Variants in NTM observed in about 807,000 individuals in gnomAD.
NTM encodes IgLON family member 2.
NTM carries 13 observed loss-of-function variants against 42.1 expected under a neutral mutation model. The observed-to-expected ratio is 0.31, with a 90% CI of 0.20 to 0.49. The LOEUF is 0.49. Among genes scored for constraint, NTM ranks in the 20% least tolerant of loss-of-function variants. The pLI, the probability that NTM is intolerant of heterozygous loss-of-function variation, is 0.99. For missense variants in NTM, 373 were observed against 452.8 expected (o/e 0.82, Z 1.60); for synonymous variants, 187 against 179.2 (o/e 1.04, Z -0.35).
intron 1 of NTM, among the ~76,000 whole-genome samples, chr11:131,509,744 G>A (rs1376203086): frequency 1.3e-5 from 2 of 152,200 alleles, no homozygotes; most frequent in African/African-American, 4.8e-5. Flanking sequence ...ATGAGAGGAG[G>A]TTGGGATTCT....
At chr11:131,373,180 C>A in intron 1 of NTM, among the ~76,000 whole-genome samples, 1 of 152,180 alleles carries the variant, frequency 6.6e-6, no homozygotes, top group East Asian at 1.9e-4. Context: ...AGGAAGGAAG[C>A]TGAAGTCTGC....
chr11:131,647,607 T>C (rs2065925114), intron 1 of NTM, among the ~76,000 whole-genome samples: 1 of 152,228 alleles, frequency 6.6e-6, no homozygotes, highest in South Asian at 2.1e-4. Flanking sequence ...TTGTGAATTC[T>C]ATAAATCATG....
intron 2 of NTM, among the ~76,000 whole-genome samples, chr11:132,047,601 G>A (rs1438574123): frequency 6.6e-6 from 1 of 152,200 alleles, no homozygotes; most frequent in East Asian, 1.9e-4. Context: ...CTAGAGCCTG[G>A]TCATCACTGG....
At chr11:131,883,221 T>G (rs1483882358) in intron 1 of NTM, among the ~76,000 whole-genome samples, 1 of 152,198 alleles carries the variant, frequency 6.6e-6, no homozygotes, top group Non-Finnish European at 1.5e-5. Flanking sequence ...ATAGTGCATC[T>G]TCTAATAATT....
intron 1 of NTM, among the ~76,000 whole-genome samples, chr11:131,454,800 T>C (rs921007051): frequency 2.0e-5 from 3 of 147,946 alleles, no homozygotes; most frequent in Non-Finnish European, 3.1e-5. Context: ...CCTGATTTGA[T>C]ATTACGCTGG....
chr11:132,297,695 A>C (rs1037136783), intron 4 of NTM, among the ~76,000 whole-genome samples: 1 of 151,948 alleles, frequency 6.6e-6, no homozygotes, highest in Non-Finnish European at 1.5e-5. Context: ...CATCATCTAC[A>C]TTTTTGCGGG....
chr11:132,151,729 G>A (rs1277371851), intron 3 of NTM, among the ~76,000 whole-genome samples: 2 of 152,136 alleles, frequency 1.3e-5, no homozygotes, highest in East Asian at 1.9e-4. Context: ...GAGTCAAACA[G>A]CTCCGAAGCT....
At chr11:131,876,862 T>C (rs920156331) in intron 1 of NTM, among the ~76,000 whole-genome samples, 5 of 147,332 alleles carry the variant, frequency 3.4e-5, no homozygotes, top group African/African-American at 1.2e-4. Context: ...AAGCATAACT[T>C]TTTTTTTTTT....
At chr11:131,946,445 TAAAAA>T (rs925193298) in intron 2 of NTM, among the ~76,000 whole-genome samples, 14 of 151,880 alleles carry the variant, frequency 9.2e-5, no homozygotes, top group Admixed American at 6.6e-5. Context: ...GCTCTCAAAA[TAAAAA>T]GAAAATGTAA....
intron 1 of NTM, among the ~76,000 whole-genome samples, chr11:131,571,714 A>C (rs1010475996): frequency 5.3e-5 from 8 of 152,156 alleles, no homozygotes; most frequent in African/African-American, 1.7e-4. Flanking sequence ...AAAAAGACAA[A>C]AGAGATGTCG....
At position 131,735,931 on chromosome 11, in the gene NTM, A is replaced by G. The variant is rs59229616; in HGVS notation, c.83-175633A>G. Among the ~76,000 whole-genome samples, 188 of 151,894 alleles carry G rather than the reference A, an allele frequency of 1.2e-3. 1 individual carries two copies. The highest frequency in any genetic ancestry group is 4.4e-3 in the African/African-American group (182 of 41,376). Reference sequence around the variant, plus strand: ...TCACTGCAACCTCCACCTCCCTGTTAAAGAGATTCACGTGCCTCAGCCTCC... The same window carrying G: ...TCACTGCAACCTCCACCTCCCTGTTGAAGAGATTCACGTGCCTCAGCCTCC... On this transcript the variant is annotated intron_variant, in intron 1 of 8. Coordinates refer to ENST00000683400, the MANE Select transcript of NTM (RefSeq NM_001352005.2).
intron 3 of NTM, among the ~76,000 whole-genome samples, chr11:132,162,270 AGTGT>A (rs2074451545): frequency 7.0e-6 from 1 of 142,290 alleles, no homozygotes; most frequent in African/African-American, 2.7e-5. Flanking sequence ...TTGTGTAGGG[AGTGT>A]GTATGTAAGT....
intron 1 of NTM, among the ~76,000 whole-genome samples, chr11:131,372,856 CTGAATAGATGAG>C (rs1941409745): frequency 6.6e-6 from 1 of 152,024 alleles, no homozygotes; most frequent in Admixed American, 6.6e-5. Flanking sequence ...TGAATCATCT[CTGAATAGATGAG>C]TAGCAAAGTG....
At chr11:131,509,416 CCAGATACAGG>C (rs2047956400) in intron 1 of NTM, among the ~76,000 whole-genome samples, 1 of 152,208 alleles carries the variant, frequency 6.6e-6, no homozygotes, top group Admixed American at 6.5e-5. Flanking sequence ...CCTTCTTCTC[CCAGATACAGG>C]CAGATTCTTC....
At position 131,493,401 on chromosome 11, in the gene NTM, C is replaced by G. The variant is rs537849426; in HGVS notation, c.82+122513C>G. ...CCCAAGACCCATGGAAAAAAAGAGCCCTGCTTTCTCTGTGTGTTTCGTTTT... is the reference window on the plus strand; with the variant it reads ...CCCAAGACCCATGGAAAAAAAGAGCGCTGCTTTCTCTGTGTGTTTCGTTTT... On this transcript the variant is annotated intron_variant, in intron 1 of 8. Coordinates refer to ENST00000683400, the MANE Select transcript of NTM (RefSeq NM_001352005.2). Among the ~76,000 whole-genome samples the G allele has an allele frequency of 6.6e-5, 10 of 152,148 alleles. No individual in the cohort carries two copies. The East Asian group carries it at 7.7e-4, about 12-fold the overall frequency.
intron 4 of NTM, among the ~76,000 whole-genome samples, chr11:132,277,913 T>A (rs1448137918): frequency 6.6e-6 from 1 of 152,102 alleles, no homozygotes; most frequent in Non-Finnish European, 1.5e-5. Context: ...ACTTTCTGAG[T>A]TCCAAGAAAT....
intron 4 of NTM, among the ~76,000 whole-genome samples, chr11:132,279,971 A>G (rs1380587389): frequency 6.6e-6 from 1 of 152,200 alleles, no homozygotes; most frequent in Non-Finnish European, 1.5e-5. Context: ...CTCCTACTAT[A>G]TGCCGGTTAC....
chr11:131,431,885 TC>T (rs1268840922), intron 1 of NTM, among the ~76,000 whole-genome samples: 1 of 151,780 alleles, frequency 6.6e-6, no homozygotes. Context: ...TCCCTACCCC[TC>T]CCCATCAGAC....
intron 2 of NTM, among the ~76,000 whole-genome samples, chr11:131,967,325 G>A (rs1027754332): frequency 1.3e-5 from 2 of 152,162 alleles, no homozygotes; most frequent in Non-Finnish European, 2.9e-5. Flanking sequence ...CCCACAGTTC[G>A]AAACTTTAAT....
Sources: allele counts gnomAD v4.1 joint callset (sites outside exome capture counted in the v4.1 genomes callset), GRCh38; gene constraint gnomAD v4.1.1; transcripts MANE v1.5; gene names NCBI Gene and HGNC (gene_info 2026-07-23, HGNC 2026-07-21).